F11R: variants seen among roughly 807,000 people sequenced by gnomAD.
F11R encodes the protein F11 receptor.
In F11R, 27 loss-of-function variants were observed where a neutral mutation model predicts 39.3. The ratio of observed to expected loss-of-function variants is 0.69; its 90% CI spans 0.51 to 0.95. The LOEUF (loss-of-function observed/expected upper bound fraction) is 0.95. Ranked by LOEUF, F11R falls within the 40% of genes least tolerant of loss-of-function variation. The probability of loss-of-function intolerance (pLI) is 0.00; values close to 1 mark genes in which losing one functional copy is unlikely to be tolerated. For missense variants in F11R, 335 were observed against 372.7 expected, an observed-to-expected ratio of 0.90 and a Z score of 0.83; for synonymous variants, 131 against 144.9, an observed-to-expected ratio of 0.90 and a Z score of 0.69.
intron 1 of F11R, among the ~76,000 whole-genome samples, chr1:161,007,349 C>T (rs1231465611): frequency 1.3e-5 from 2 of 151,590 alleles, no homozygotes; most frequent in Non-Finnish European, 2.9e-5. Context: ...CCTGTAATCC[C>T]AGCTACTCAG....
chr1:161,013,145 AAAG>A (rs1228589017), intron 1 of F11R, among the ~76,000 whole-genome samples: 1 of 151,754 alleles, frequency 6.6e-6, no homozygotes, highest in Non-Finnish European at 1.5e-5. Flanking sequence ...AAAAAAAAAA[AAAG>A]AAGAAAGAGG....
intron 1 of F11R, among the ~76,000 whole-genome samples, chr1:161,013,133 G>GAAA (rs79065730): frequency 7.3e-6 from 1 of 136,892 alleles, no homozygotes; most frequent in African/African-American, 2.7e-5. Flanking sequence ...TTCATTTAGG[G>GAAA]AAAAAAAAAA....
At chr1:161,015,464 C>T (rs565586669) in intron 1 of F11R, among the ~76,000 whole-genome samples, 128 of 148,864 alleles carry the variant, frequency 8.6e-4, no homozygotes, top group Admixed American at 3.5e-3. Context: ...TGGTGGTGCA[C>T]GCTTGTGTCC....
intron 1 of F11R, among the ~76,000 whole-genome samples, chr1:161,006,292 T>C (rs1450451317): frequency 6.6e-6 from 1 of 152,148 alleles, no homozygotes; most frequent in Non-Finnish European, 1.5e-5. Flanking sequence ...GGATCCCAAG[T>C]GCACTCCCTA....
rs1046108877 is a variant in F11R, at chr1:160,998,550, C to T, written c.*321G>A. ...GTGGGCAGTTGAGTGCAGATTCCTG[C>T]GACCCCCGCCATTTTTGCTGTCTAC... On this transcript the variant is annotated 3_prime_UTR_variant, in exon 10 of 10. Transcript: ENST00000368026. 1.3e-4 allele frequency: 68 copies of T among 515,588 alleles called. No homozygotes were observed. Among genetic ancestry groups the T allele is most frequent in the African/African-American group, 2.1e-4 (11 of 52,412 alleles). 31.9% of individuals were successfully genotyped at this position (515,588 alleles called of 1,614,324 possible). A position where few individuals can be genotyped will look rare whatever the true frequency, so the allele number is the denominator to read the frequency against.
chr1:160,996,958 TTC>T lies in F11R; in HGVS notation c.*1911_*1912del, dbSNP rs1418978527. 2 of 152,340 alleles carry T rather than the reference TTC, an allele frequency of 1.3e-5. No individual in the cohort carries two copies. Among genetic ancestry groups the T allele is most frequent in the African/African-American group, 4.8e-5 (2 of 41,454 alleles). 9.4% of individuals were successfully genotyped at this position (152,340 alleles called of 1,614,324 possible). A position where few individuals can be genotyped will look rare whatever the true frequency, so the allele number is the denominator to read the frequency against. ...TTTGGATCCTTAATAGAAAACTCAA[TTC>T]TGTTAGGGATTTCCAAATAGGATAG... On this transcript the variant is annotated 3_prime_UTR_variant, in exon 10 of 10. Coordinates refer to ENST00000368026, the MANE Select transcript of F11R (RefSeq NM_016946.6).
intron 1 of F11R, among the ~76,000 whole-genome samples, chr1:161,017,104 C>A (rs1649505167): frequency 6.6e-6 from 1 of 152,066 alleles, no homozygotes; most frequent in African/African-American, 2.4e-5. Flanking sequence ...TCCCTAATCT[C>A]AAGTACCCAG....
chr1:160,995,244 G>GTT lies in F11R; in HGVS notation c.*3625_*3626dup, dbSNP rs910552113. 6.6e-6 allele frequency: 1 copy of GTT among 152,166 alleles called. No individual in the cohort carries two copies. The highest frequency in any genetic ancestry group is 1.5e-5 in the Non-Finnish European group (1 of 67,992). 9.4% of individuals were successfully genotyped at this position (152,166 alleles called of 1,614,324 possible). Reference sequence around the variant, plus strand: ...TGGATATTTTTTAATGCAAATTGTTGTTTTTCTTCATTTGTCTACTTTATT... The same window carrying GTT: ...TGGATATTTTTTAATGCAAATTGTTGTTTTTTTCTTCATTTGTCTACTTTATT... On this transcript the variant is annotated 3_prime_UTR_variant, in exon 10 of 10. Transcript: ENST00000368026.
chr1:161,021,052 C>T lies in F11R; in HGVS notation c.22G>A (p.Glu8Lys). ...ATGAAGAGGCACAACAGTTTCCTCTCGACTTGCGCCTTTGTCCCCATCGCG... is the reference window on the plus strand; with the variant it reads ...ATGAAGAGGCACAACAGTTTCCTCTTGACTTGCGCCTTTGTCCCCATCGCG... MGTKAQV[E>K]RKLLCLFILA... The change falls in exon 1 of 10, where the codon GAG (glutamate) becomes AAG (lysine). Residue 8 changes from glutamate (E) to lysine (K), a missense_variant. Transcript: ENST00000368026. 1 of 1,613,940 alleles carries T rather than the reference C, an allele frequency of 6.2e-7. No individual in the cohort carries two copies. Among genetic ancestry groups the T allele is most frequent in the Non-Finnish European group, 8.5e-7 (1 of 1,179,888 alleles).
rs772181583 is a variant in F11R at position 160,998,831 on chromosome 1, G to A, written c.*40C>T. ...GGGGCCAGAGTCCGGTAGCACCTGA[G>A]TAAGGCAAATGCAGATGATAGGCGG... On this transcript the variant is annotated 3_prime_UTR_variant, in exon 10 of 10. Coordinates refer to ENST00000368026, the MANE Select transcript of F11R (RefSeq NM_016946.6). The A allele has an allele frequency of 1.9e-6, 3 of 1,610,386 alleles. No homozygotes were observed. Among genetic ancestry groups the A allele is most frequent in the African/African-American group, 2.7e-5 (2 of 74,882 alleles).
intron 1 of F11R, among the ~76,000 whole-genome samples, chr1:161,004,089 G>T (rs1466166609): frequency 3.9e-5 from 6 of 152,016 alleles, no homozygotes; most frequent in African/African-American, 1.4e-4. Context: ...AGTAGACAGG[G>T]TTTCACCATG....
intron 1 of F11R, among the ~76,000 whole-genome samples, chr1:161,016,697 A>G (rs1177923212): frequency 6.6e-6 from 1 of 152,022 alleles, no homozygotes; most frequent in Non-Finnish European, 1.5e-5. Flanking sequence ...GGCAAAGACT[A>G]AAGGACACTG....
chr1:161,012,778 C>G (rs1009068499), intron 1 of F11R, among the ~76,000 whole-genome samples: 37 of 152,138 alleles, frequency 2.4e-4, no homozygotes, highest in African/African-American at 8.7e-4. Flanking sequence ...GCACCCACCA[C>G]CATGCCCGGC....
intron 1 of F11R, among the ~76,000 whole-genome samples, chr1:161,016,236 G>A (rs1649459420): frequency 6.6e-6 from 1 of 152,118 alleles, no homozygotes; most frequent in Non-Finnish European, 1.5e-5. Context: ...CAGCACTTTT[G>A]GAGGCCGTGG....
chr1:161,004,429 G>A (rs1648684209), intron 1 of F11R, among the ~76,000 whole-genome samples: 2 of 151,800 alleles, frequency 1.3e-5, no homozygotes, highest in East Asian at 1.9e-4. Flanking sequence ...GCGTGGTGGC[G>A]CGTGCTACCT....
In F11R at chr1:161,000,274, C is replaced by G; in HGVS notation, c.463G>C (p.Glu155Gln). 6.2e-7 allele frequency: 1 copy of G among 1,614,134 alleles called. No individual in the cohort carries two copies. The highest frequency in any genetic ancestry group is 8.5e-7 in the Non-Finnish European group (1 of 1,180,024). Residue 155 changes from glutamate (E) to glutamine (Q), a missense_variant, in exon 5 of 10, where the codon GAA becomes CAA. Transcript: ENST00000368026. ...TCAGAAGGTGGGGAACCATCTTGTT[C>G]TGAGCATGTCAGCACTGCCCGGTTC... ...IGNRAVLTCS[E>Q]QDGSPPSEYT...
intron 1 of F11R, among the ~76,000 whole-genome samples, chr1:161,009,272 A>T (rs570568982): frequency 6.6e-6 from 1 of 152,262 alleles, no homozygotes; most frequent in African/African-American, 2.4e-5. Flanking sequence ...TGTCAAAGCA[A>T]TTCCCACATT....
chr1:161,020,511 C>T (rs1467868195), intron 1 of F11R, among the ~76,000 whole-genome samples: 2 of 152,254 alleles, frequency 1.3e-5, no homozygotes, highest in African/African-American at 4.8e-5. Context: ...GAGACTCCTT[C>T]AGCAAAAGCT....
At chr1:160,999,331 C>A in intron 8 of F11R, 65 bp downstream of exon 8, 1 of 1,608,750 alleles carries the variant, frequency 6.2e-7, no homozygotes, top group Non-Finnish European at 8.5e-7. Flanking sequence ...AGGCCCACTT[C>A]AGCTTCAAAC....
Sources: allele counts gnomAD v4.1 joint callset (sites outside exome capture counted in the v4.1 genomes callset), GRCh38; gene constraint gnomAD v4.1.1; transcripts MANE v1.5; gene names NCBI Gene and HGNC (gene_info 2026-07-23, HGNC 2026-07-21).